MAT1A: variants seen among roughly 807,000 people sequenced by gnomAD.
The protein encoded by MAT1A is S-adenosylmethionine synthase isoform type-1.
A neutral mutation model predicts 44.0 loss-of-function variants in MAT1A; 19 were observed. That is an observed-to-expected ratio of 0.43 (90% CI 0.30 to 0.63). The LOEUF is 0.63. Among genes scored for constraint, MAT1A ranks in the 30% least tolerant of loss-of-function variants. The pLI, the probability that MAT1A is intolerant of heterozygous loss-of-function variation, is 0.12. For missense variants in MAT1A, 397 were observed against 531.0 expected (o/e 0.75, Z 2.48); for synonymous variants, 205 against 205.6 (o/e 1.00, Z 0.03).
rs17851642 is a variant in MAT1A, at chr10:80,275,083, T to C, written c.885A>G (p.Ala295=). ...KDYTKVDRSA[A]YAARWVAKSL... ...ACTTGGCCACCCAGCGGGCAGCATA[T>C]GCAGCTGAGCGGTCTACCTTGGTGT... Residue 295 remains alanine, a synonymous_variant, in exon 7 of 9, where the codon GCA becomes GCG. Transcript: ENST00000372213. 18 of 1,588,336 alleles carry C rather than the reference T, an allele frequency of 1.1e-5. No individual in the cohort carries two copies. In the East Asian group the frequency reaches 4.2e-4, roughly 37 times the overall value.
Position 80,289,433 on chromosome 10 carries a change from C to T in MAT1A, c.-10G>A, listed in dbSNP as rs1321092856. On this transcript the variant is annotated 5_prime_UTR_variant, in exon 1 of 9. It adds an upstream start codon to the 5' untranslated region. Transcript: ENST00000372213. ...CCACCGGTCCATTCATCTTCTCACACTTCTCCACTCACGCTTCTTTCAGTG... is the reference window on the plus strand; with the variant it reads ...CCACCGGTCCATTCATCTTCTCACATTTCTCCACTCACGCTTCTTTCAGTG... 1.9e-6 allele frequency: 3 copies of T among 1,604,694 alleles called. No individual in the cohort carries two copies. The highest frequency in any genetic ancestry group is 1.1e-5 in the South Asian group (1 of 90,938).
intron 6 of MAT1A, among the ~76,000 whole-genome samples, chr10:80,276,150 C>T (rs1348619399): frequency 2.6e-5 from 4 of 152,186 alleles, no homozygotes; most frequent in Admixed American, 2.6e-4. Flanking sequence ...GTGGAGGAAT[C>T]CTAGGGACAT....
At chr10:80,280,447 G>A in intron 4 of MAT1A, 131 bp from the exon 5 acceptor site, 1 of 1,206,334 alleles carries the variant, frequency 8.3e-7, no homozygotes, top group South Asian at 1.3e-5. Context: ...CCACTGGCAT[G>A]TGCAGGGGAA....
intron 3 of MAT1A, among the ~76,000 whole-genome samples, chr10:80,283,682 C>T (rs1280092987): frequency 6.6e-6 from 1 of 152,276 alleles, no homozygotes; most frequent in Non-Finnish European, 1.5e-5. Flanking sequence ...AGGCCTAAAA[C>T]AAGCCCAATC....
intron 6 of MAT1A, chr10:80,275,435 G>A (rs1841474433): frequency 1.7e-6 from 1 of 582,054 alleles, no homozygotes. Flanking sequence ...TGCAGAAGGT[G>A]GGCCAGGGGT....
chr10:80,282,514 G>A (rs1163020148), intron 3 of MAT1A, among the ~76,000 whole-genome samples: 1 of 152,192 alleles, frequency 6.6e-6, no homozygotes, highest in Non-Finnish European at 1.5e-5. Flanking sequence ...TTTTGCACTT[G>A]AATAAGGTCT....
chr10:80,281,713 C>A (rs1167244603), intron 3 of MAT1A, among the ~76,000 whole-genome samples: 6 of 152,234 alleles, frequency 3.9e-5, no homozygotes, highest in African/African-American at 1.2e-4. Flanking sequence ...ACACACAGAT[C>A]CAAGCTGCTG....
chr10:80,281,238 G>A (rs1841562555), intron 3 of MAT1A, among the ~76,000 whole-genome samples: 1 of 152,122 alleles, frequency 6.6e-6, no homozygotes, highest in African/African-American at 2.4e-5. Context: ...CTGTCACTCA[G>A]AAGCCCAGCT....
At chr10:80,281,676 C>T (rs182771129) in intron 3 of MAT1A, among the ~76,000 whole-genome samples, 1 of 152,230 alleles carries the variant, frequency 6.6e-6, no homozygotes, top group African/African-American at 2.4e-5. Context: ...CTCCTACCCA[C>T]ACAGCCTGAA....
rs766102623 is a variant in MAT1A, at chr10:80,280,798, C to T, written c.293-6G>A. 2.0e-5 allele frequency: 33 copies of T among 1,611,348 alleles called. No homozygotes were observed. Among genetic ancestry groups the T allele is most frequent in the Admixed American group, 1.5e-4 (9 of 59,998 alleles). On this transcript the variant is annotated splice_polypyrimidine_tract_variant and splice_region_variant and intron_variant, in intron 3 of 8. Coordinates refer to ENST00000372213, the MANE Select transcript of MAT1A (RefSeq NM_000429.3). ...GCAAGTCTTGAAGTCAAAGCCTAGG[C>T]GGAAGCAAAGTGAGCCTAAGTGGGG...
At chr10:80,282,659 T>C (rs540741649) in intron 3 of MAT1A, among the ~76,000 whole-genome samples, 3 of 152,144 alleles carry the variant, frequency 2.0e-5, no homozygotes, top group Non-Finnish European at 4.4e-5. Context: ...AATTAACTGG[T>C]TCTTACTGCT....
intron 7 of MAT1A, 24 bp downstream of exon 7, chr10:80,274,993 C>T (rs747478274): frequency 1.5e-5 from 23 of 1,549,492 alleles, no homozygotes; most frequent in South Asian, 8.3e-5. Flanking sequence ...TGCAACAGGA[C>T]GGTGGTGGGT....
In MAT1A at chr10:80,289,317, A is replaced by C; in HGVS notation, c.91+16T>G. ...GGAATGATCGTTTTCCAGTCAGTCCAAGACAGCCTACTTACCCGGGTGTCC... is the reference window on the plus strand; with the variant it reads ...GGAATGATCGTTTTCCAGTCAGTCCCAGACAGCCTACTTACCCGGGTGTCC... On this transcript the variant is annotated intron_variant, in intron 1 of 8. Transcript: ENST00000372213. 6.2e-7 allele frequency: 1 copy of C among 1,609,026 alleles called. No individual in the cohort carries two copies. The highest frequency in any genetic ancestry group is 8.5e-7 in the Non-Finnish European group (1 of 1,175,380).
At chr10:80,277,589 G>C (rs563467839) in intron 5 of MAT1A, among the ~76,000 whole-genome samples, 126 of 152,308 alleles carry the variant, frequency 8.3e-4, no homozygotes, top group African/African-American at 2.8e-3. Flanking sequence ...GCTGGAATCT[G>C]GGGTAGGGGA....
At chr10:80,282,162 C>T (rs1014347869) in intron 3 of MAT1A, among the ~76,000 whole-genome samples, 1 of 152,210 alleles carries the variant, frequency 6.6e-6, no homozygotes, top group African/African-American at 2.4e-5. Context: ...TTTACCTAAT[C>T]ACTGTCTGTC....
intron 8 of MAT1A, among the ~76,000 whole-genome samples, chr10:80,274,126 C>T (rs1841448202): frequency 6.6e-6 from 1 of 152,232 alleles, no homozygotes; most frequent in Admixed American, 6.5e-5. Flanking sequence ...CGGTGCTTTT[C>T]TCCTCCCACT....
intron 7 of MAT1A, 25 bp from the exon 8 acceptor site, chr10:80,274,678 G>C (rs765891294): frequency 5.0e-6 from 8 of 1,613,930 alleles, no homozygotes; most frequent in Non-Finnish European, 6.8e-6. Flanking sequence ...CAGCGTCAGG[G>C]ATTGAAGCCT....
At position 80,280,752 on chromosome 10, in the gene MAT1A, C is replaced by A. The variant is rs1841556089; in HGVS notation, c.333G>T (p.Glu111Asp). 1 of 1,614,208 alleles carries A rather than the reference C, an allele frequency of 6.2e-7. No homozygotes were observed. The highest frequency in any genetic ancestry group is 1.1e-5 in the South Asian group (1 of 91,084). ...ACTGGGCAATATCTGGGGATTGCTG[C>A]TCCAAAGCCACCAGCACGTTGCAAG... ...FKTCNVLVALEQQSPDIAQCV... is the reference protein window; with the variant it reads ...FKTCNVLVALDQQSPDIAQCV... The change falls in exon 4 of 9, where the codon GAG becomes GAT. Residue 111 changes from glutamate to aspartate, a missense_variant. Transcript: ENST00000372213.
At chr10:80,288,549 G>A (rs949782466) in intron 1 of MAT1A, among the ~76,000 whole-genome samples, 5 of 152,134 alleles carry the variant, frequency 3.3e-5, no homozygotes, top group African/African-American at 1.2e-4. Flanking sequence ...ACTTTTCAGG[G>A]ACCAAAATCA....
Sources: allele counts gnomAD v4.1 joint callset (sites outside exome capture counted in the v4.1 genomes callset), GRCh38; gene constraint gnomAD v4.1.1; transcripts MANE v1.5; gene names NCBI Gene and HGNC (gene_info 2026-07-23, HGNC 2026-07-21).